The following ESRRB variants were observed in gnomAD, a reference collection of about 807,000 sequenced individuals.
ESRRB encodes estrogen related receptor beta.
Under a neutral mutation model 46.0 loss-of-function variants are expected in ESRRB, and 16 were observed. That is an observed-to-expected ratio of 0.35 (90% confidence interval 0.24 to 0.53). The LOEUF is 0.53. Among genes scored for constraint, ESRRB ranks in the 20% least tolerant of loss-of-function variants. The pLI, the probability that ESRRB is intolerant of heterozygous loss-of-function variation, is 0.93. For missense variants in ESRRB, 488 were observed against 607.4 expected (o/e 0.80, Z 2.07); for synonymous variants, 246 against 259.6 (o/e 0.95, Z 0.50).
upstream of ESRRB, among the ~76,000 whole-genome samples, chr14:76,370,541 C>A (rs1280341355): frequency 3.9e-5 from 6 of 152,150 alleles, no homozygotes; most frequent in East Asian, 1.2e-3. Flanking sequence ...TGAGACAGGT[C>A]ATTCATTCAG....
intron 3 of ESRRB, among the ~76,000 whole-genome samples, chr14:76,472,385 C>G (rs998169191): frequency 6.6e-6 from 1 of 152,206 alleles, no homozygotes; most frequent in Non-Finnish European, 1.5e-5. Flanking sequence ...GCTCATCACT[C>G]ACTAACACTT....
intron 1 of ESRRB, among the ~76,000 whole-genome samples, chr14:76,417,944 C>CTTTTT (rs869242837): frequency 1.1e-4 from 10 of 91,362 alleles, no homozygotes; most frequent in Non-Finnish European, 1.6e-4. Context: ...CTTTTACATA[C>CTTTTT]TTTTTTTTTT....
intron 1 of ESRRB, among the ~76,000 whole-genome samples, chr14:76,329,265 G>A (rs553517498): frequency 6.6e-6 from 1 of 152,044 alleles, no homozygotes; most frequent in African/African-American, 2.4e-5. Context: ...ATAAATAATC[G>A]AGTCAATCTC....
At chr14:76,394,705 G>A (rs1213353646) in intron 1 of ESRRB, among the ~76,000 whole-genome samples, 1 of 152,186 alleles carries the variant, frequency 6.6e-6, no homozygotes, top group East Asian at 1.9e-4. Flanking sequence ...ATTGTTTGCT[G>A]TCAGCTGCGT....
At chr14:76,355,788 C>T (rs1032309875) in intron 1 of ESRRB, among the ~76,000 whole-genome samples, 1 of 152,268 alleles carries the variant, frequency 6.6e-6, no homozygotes, top group East Asian at 1.9e-4. Flanking sequence ...GGGAATCATT[C>T]GATGTTAGTT....
chr14:76,440,557 A>C (rs58856258), intron 2 of ESRRB, among the ~76,000 whole-genome samples: 32,848 of 150,828 alleles, frequency 0.22, 4,448 homozygotes, highest in African/African-American at 0.39. Context: ...ACCTTCCTTC[A>C]TTCCTTCCTT....
At chr14:76,384,760 G>T (rs963440654) in intron 1 of ESRRB, among the ~76,000 whole-genome samples, 1 of 152,184 alleles carries the variant, frequency 6.6e-6, no homozygotes, top group African/African-American at 2.4e-5. Context: ...ACAAGGGGGG[G>T]TTATGACTTG....
chr14:76,481,767 G>C (rs1889813915), intron 3 of ESRRB, among the ~76,000 whole-genome samples: 1 of 152,222 alleles, frequency 6.6e-6, no homozygotes, highest in Admixed American at 6.5e-5. Flanking sequence ...TGCTTGGGAT[G>C]AATTTCAGAA....
chr14:76,391,078 G>T (rs1432497057), intron 1 of ESRRB, among the ~76,000 whole-genome samples: 1 of 152,330 alleles, frequency 6.6e-6, no homozygotes, highest in East Asian at 1.9e-4. Flanking sequence ...TGGAAGTGGA[G>T]AAAATATTCC....
intron 2 of ESRRB, among the ~76,000 whole-genome samples, chr14:76,458,834 C>T (rs1888728885): frequency 6.6e-6 from 1 of 150,698 alleles, no homozygotes; most frequent in Non-Finnish European, 1.5e-5. Context: ...TTCTGTTCAC[C>T]CTCTCCTTTT....
chr14:76,415,552 C>G (rs1886661100), intron 1 of ESRRB, among the ~76,000 whole-genome samples: 1 of 152,248 alleles, frequency 6.6e-6, no homozygotes, highest in African/African-American at 2.4e-5. Context: ...CCCAGCTACT[C>G]AGGAGGCTGA....
intron 3 of ESRRB, among the ~76,000 whole-genome samples, chr14:76,477,537 G>A (rs1889630022): frequency 6.6e-6 from 1 of 152,210 alleles, no homozygotes; most frequent in Admixed American, 6.5e-5. Context: ...AGATGCAGCT[G>A]AAGCCCACTT....
chr14:76,479,251 G>GTGCA (rs993132527), intron 3 of ESRRB, among the ~76,000 whole-genome samples: 2 of 151,742 alleles, frequency 1.3e-5, no homozygotes, highest in African/African-American at 2.4e-5. Context: ...GCATGCGTGC[G>GTGCA]TGTGTGTGTG....
chr14:76,386,776 T>C (rs921865195), intron 1 of ESRRB, among the ~76,000 whole-genome samples: 3 of 152,184 alleles, frequency 2.0e-5, no homozygotes, highest in African/African-American at 4.8e-5. Flanking sequence ...GCCGTGCCCT[T>C]AGATATGGCA....
intron 1 of ESRRB, among the ~76,000 whole-genome samples, chr14:76,344,847 CAA>C (rs563442204): frequency 9.5e-4 from 109 of 114,850 alleles, no homozygotes; most frequent in African/African-American, 2.7e-3. Flanking sequence ...GACTCCATCT[CAA>C]AAAAAAAAAA....
chr14:76,334,455 C>T (rs974902622), intron 1 of ESRRB, among the ~76,000 whole-genome samples: 3 of 152,210 alleles, frequency 2.0e-5, no homozygotes, highest in Non-Finnish European at 4.4e-5. Flanking sequence ...TGCAGCCTCG[C>T]GCTCACAGCC....
intron 1 of ESRRB, among the ~76,000 whole-genome samples, chr14:76,352,843 T>G (rs1441889776): frequency 1.3e-5 from 2 of 152,212 alleles, no homozygotes; most frequent in East Asian, 1.9e-4. Context: ...CTCTCCCCTC[T>G]TTCCCTCCGC....
In ESRRB at chr14:76,477,383, G is replaced by T. The variant is rs184334535; in HGVS notation, c.578-4633G>T. 3.1e-4 allele frequency among the ~76,000 whole-genome samples: 47 copies of T among 152,336 alleles called. 1 individual carries two copies. Among genetic ancestry groups the T allele is most frequent in the African/African-American group, 1.1e-3 (46 of 41,572 alleles). On this transcript the variant is annotated intron_variant, in intron 3 of 6. Coordinates refer to ENST00000644823, the MANE Select transcript of ESRRB (RefSeq NM_001379180.1). Reference sequence around the variant, plus strand: ...AGTGCTATGGGTTGGCAGGAGGGTGGTAGAAGAGATGGCCTCACCCAGCCT... The same window carrying T: ...AGTGCTATGGGTTGGCAGGAGGGTGTTAGAAGAGATGGCCTCACCCAGCCT...
In ESRRB at chr14:76,500,053, C is replaced by T. The variant is rs1890604783; in HGVS notation, c.*1595C>T. 1 of 1,551,800 alleles carries T rather than the reference C, an allele frequency of 6.4e-7. No homozygotes were observed. The highest frequency in any genetic ancestry group is 8.7e-7 in the Non-Finnish European group (1 of 1,146,580). On this transcript the variant is annotated 3_prime_UTR_variant, in exon 7 of 7. Transcript: ENST00000644823. ...AGGCAGATCTCACCCAGCACTAGGACACCAGGAGGCCAGGTAACTTTCTGC... is the reference window on the plus strand; with the variant it reads ...AGGCAGATCTCACCCAGCACTAGGATACCAGGAGGCCAGGTAACTTTCTGC...
Sources: allele counts gnomAD v4.1 joint callset (sites outside exome capture counted in the v4.1 genomes callset), GRCh38; gene constraint gnomAD v4.1.1; transcripts MANE v1.5; gene names NCBI Gene and HGNC (gene_info 2026-07-23, HGNC 2026-07-21).